The following RFX4 variants were observed in gnomAD, a reference collection of about 807,000 sequenced individuals.
The protein encoded by RFX4 is transcription factor RFX4.
RFX4 carries 10 observed loss-of-function variants against 95.0 expected under a neutral mutation model. That is an observed-to-expected ratio of 0.11 (90% CI 0.06 to 0.18). RFX4 has a LOEUF of 0.18. RFX4 is among the 10% of genes least tolerant of loss of function. The pLI is 1.00. For synonymous variants in RFX4, 321 were observed against 340.7 expected, an observed-to-expected ratio of 0.94 and a Z score of 0.64; for missense variants, 640 against 922.0, an observed-to-expected ratio of 0.69 and a Z score of 3.96.
intron 3 of RFX4, among the ~76,000 whole-genome samples, chr12:106,644,177 T>G (rs1221518725): frequency 6.6e-6 from 1 of 151,934 alleles, no homozygotes; most frequent in Non-Finnish European, 1.5e-5. Flanking sequence ...TCATTTTAAC[T>G]GCAGCTCAGT....
intron 5 of RFX4, chr12:106,685,004 T>C (rs897918733): frequency 7.6e-6 from 12 of 1,575,940 alleles, no homozygotes; most frequent in Admixed American, 1.8e-5. Flanking sequence ...CAAAATGCCT[T>C]CTCATCTGTA....
chr12:106,688,443 C>G (rs2041711795), intron 6 of RFX4, among the ~76,000 whole-genome samples: 1 of 152,096 alleles, frequency 6.6e-6, no homozygotes, highest in Non-Finnish European at 1.5e-5. Flanking sequence ...TACTAAGTCT[C>G]CATGTCACAC....
intron 8 of RFX4, among the ~76,000 whole-genome samples, chr12:106,708,643 G>A (rs755536556): frequency 3.3e-5 from 5 of 152,276 alleles, no homozygotes; most frequent in South Asian, 4.1e-4. Flanking sequence ...GGAGGACTTC[G>A]TGGAGGAGAA....
chr12:106,686,789 A>T, intron 5 of RFX4, 95 bp from the exon 6 acceptor site: 1 of 1,191,960 alleles, frequency 8.4e-7, no homozygotes, highest in South Asian at 1.4e-5. Context: ...CTTGGGCAAC[A>T]CTCCCTACTC....
chr12:106,625,728 A>G (rs1194129647), intron 2 of RFX4, among the ~76,000 whole-genome samples: 3 of 152,146 alleles, frequency 2.0e-5, no homozygotes, highest in African/African-American at 7.2e-5. Flanking sequence ...AAATTATATA[A>G]TGAAAGAAAG....
At chr12:106,629,658 A>G (rs1487536595) in intron 2 of RFX4, among the ~76,000 whole-genome samples, 2 of 151,920 alleles carry the variant, frequency 1.3e-5, no homozygotes, top group African/African-American at 4.8e-5. Context: ...ATTTTTTTAT[A>G]GAGATGGGGT....
chr12:106,601,193 C>A, intron 1 of RFX4: 1 of 1,533,740 alleles, frequency 6.5e-7, no homozygotes, highest in Non-Finnish European at 8.8e-7. Context: ...CAGCTGCTGG[C>A]TTCCTGGGCT....
intron 11 of RFX4, among the ~76,000 whole-genome samples, chr12:106,718,036 A>G (rs1200863080): frequency 6.6e-6 from 1 of 152,212 alleles, no homozygotes; most frequent in Non-Finnish European, 1.5e-5. Context: ...AGATTTTAAA[A>G]GTGCACATTA....
At chr12:106,729,730 T>A (rs1013113200) in intron 13 of RFX4, among the ~76,000 whole-genome samples, 3 of 152,162 alleles carry the variant, frequency 2.0e-5, no homozygotes, top group Admixed American at 6.5e-5. Flanking sequence ...AATGTCAGAT[T>A]TTGTTTTCAG....
At chr12:106,751,122 T>G (rs1490189387) in intron 17 of RFX4, among the ~76,000 whole-genome samples, 1 of 141,588 alleles carries the variant, frequency 7.1e-6, no homozygotes, top group East Asian at 2.3e-4. Flanking sequence ...GAGTGTGATG[T>G]TCCCCTTCCT....
chr12:106,665,045 ATCT>A (rs965765755), intron 4 of RFX4, among the ~76,000 whole-genome samples: 1 of 151,818 alleles, frequency 6.6e-6, no homozygotes, highest in African/African-American at 2.4e-5. Flanking sequence ...GTCCTTACTG[ATCT>A]TCTGCCTTAC....
intron 13 of RFX4, 88 bp from the exon 14 acceptor site, chr12:106,732,042 C>A: frequency 6.5e-7 from 1 of 1,544,312 alleles, no homozygotes; most frequent in South Asian, 1.2e-5. Context: ...GCATTTAGAA[C>A]ACTGTGTAAC....
rs1488122712 is a variant in RFX4 at position 106,650,718 on chromosome 12, ACT to A, written c.192-3507_192-3506del. The stretch of plus-strand genomic sequence containing the variant: ...ACTCCAGCCTGGGTGACAGAGCGAA[ACT>A]CTGTCTCAAAAGAAAAAAAAAAAGT... On this transcript the variant is annotated intron_variant, in intron 3 of 17. Transcript: ENST00000392842. Among the ~76,000 whole-genome samples, 4 of 151,848 alleles carry A rather than the reference ACT, an allele frequency of 2.6e-5. No homozygotes were observed. The South Asian group carries it at 6.3e-4, about 24-fold the overall frequency.
At chr12:106,707,655 G>T (rs767707903) in intron 8 of RFX4, among the ~76,000 whole-genome samples, 2 of 152,124 alleles carry the variant, frequency 1.3e-5, no homozygotes, top group Non-Finnish European at 2.9e-5. Context: ...CTGAGGTCAG[G>T]AGCGGGGTGA....
intron 1 of RFX4, among the ~76,000 whole-genome samples, chr12:106,597,801 G>A (rs1266218410): frequency 1.3e-5 from 2 of 152,114 alleles, no homozygotes; most frequent in East Asian, 3.8e-4. Context: ...TTGAGGCTGT[G>A]GTGAGCTATG....
intron 7 of RFX4, among the ~76,000 whole-genome samples, chr12:106,694,713 A>C (rs2041845978): frequency 1.3e-5 from 2 of 152,132 alleles, no homozygotes; most frequent in African/African-American, 4.8e-5. Flanking sequence ...AACCTAAGCA[A>C]AGTACCTGGC....
chr12:106,722,885 G>A (rs186120845), intron 13 of RFX4, among the ~76,000 whole-genome samples: 110 of 152,294 alleles, frequency 7.2e-4, no homozygotes, highest in African/African-American at 2.5e-3. Context: ...TGGGTCATGT[G>A]TTCCCTGTAT....
chr12:106,719,937 T>C (rs747569832), intron 11 of RFX4, 23 bp from the exon 12 acceptor site: 8 of 1,584,694 alleles, frequency 5.0e-6, no homozygotes, highest in Non-Finnish European at 6.9e-6. Context: ...GTGATGCGTG[T>C]GGGGTTCTCC....
intron 3 of RFX4, among the ~76,000 whole-genome samples, chr12:106,647,917 T>C (rs1013648445): frequency 6.6e-6 from 1 of 152,026 alleles, no homozygotes; most frequent in Admixed American, 6.6e-5. Flanking sequence ...TTGTAAGTGG[T>C]GGAGGCAGGA....
Sources: gnomAD v4.1 joint callset for allele counts (sites outside exome capture counted in the v4.1 genomes callset) on GRCh38, gnomAD v4.1.1 for gene constraint, MANE v1.5 for transcripts, NCBI Gene and HGNC (gene_info 2026-07-23, HGNC 2026-07-21) for gene names.